The following MYT1L variants were observed in gnomAD, a reference collection of about 807,000 sequenced individuals.
MYT1L encodes myelin transcription factor 1-like protein.
MYT1L carries 12 observed loss-of-function variants against 126.7 expected under a neutral mutation model. The ratio of observed to expected loss-of-function variants is 0.09; its 90% confidence interval spans 0.06 to 0.15. MYT1L has a LOEUF of 0.15. MYT1L is among the 10% of genes least tolerant of loss of function. The pLI is 1.00. For synonymous variants in MYT1L, 541 were observed against 604.2 expected (o/e 0.90, Z 1.53); for missense variants, 979 against 1,585.2 (o/e 0.62, Z 6.49).
In MYT1L at chr2:2,182,034, T is replaced by C. The variant is rs550304720; in HGVS notation, c.-420-9046A>G. Among the ~76,000 whole-genome samples the C allele has an allele frequency of 2.6e-5, 4 of 152,282 alleles. No individual in the cohort carries two copies. The East Asian group carries it at 7.7e-4, about 29-fold the overall frequency. On this transcript the variant is annotated intron_variant, in intron 2 of 24. Transcript: ENST00000647738. ...TGGCAGTCACCTCCCAACTCCCATA[T>C]GTAACAAGCTTTCAGAGCAAAAATG... is the stretch of plus-strand genomic sequence containing the variant.
intron 3 of MYT1L, among the ~76,000 whole-genome samples, chr2:2,152,830 T>G (rs1463734676): frequency 6.6e-6 from 1 of 152,094 alleles, no homozygotes; most frequent in Non-Finnish European, 1.5e-5. Context: ...AGGAGTTCCT[T>G]GGAGGGGTCC....
chr2:2,153,940 G>A (rs1001605308), intron 3 of MYT1L, among the ~76,000 whole-genome samples: 1 of 152,136 alleles, frequency 6.6e-6, no homozygotes, highest in Non-Finnish European at 1.5e-5. Flanking sequence ...GGCTGCTGGT[G>A]GACTAGTGCC....
intron 1 of MYT1L, chr2:2,325,271 C>A (rs2096230990): frequency 6.6e-6 from 1 of 152,120 alleles, no homozygotes; most frequent in African/African-American, 2.4e-5. Context: ...AATGGTGACA[C>A]AAGAGTTAAC....
chr2:1,938,378 A>G (rs1573769404), intron 9 of MYT1L, among the ~76,000 whole-genome samples: 1 of 152,376 alleles, frequency 6.6e-6, no homozygotes, highest in African/African-American at 2.4e-5. Flanking sequence ...CCATTGAACA[A>G]TAACTTTCTT....
At chr2:2,033,511 C>T (rs72767350) in intron 4 of MYT1L, among the ~76,000 whole-genome samples, 6,405 of 152,228 alleles carry the variant, frequency 0.042, 200 homozygotes, top group Non-Finnish European at 0.065. Flanking sequence ...CCTGGGGGCA[C>T]GCCAGGTTAG....
intron 9 of MYT1L, among the ~76,000 whole-genome samples, chr2:1,937,976 G>A (rs530367558): frequency 1.3e-5 from 2 of 152,294 alleles, no homozygotes; most frequent in East Asian, 3.9e-4. Context: ...GTGATCAAGT[G>A]GCAAGGCAGC....
chr2:2,056,433 T>C (rs1397350256), intron 3 of MYT1L, among the ~76,000 whole-genome samples: 1 of 152,096 alleles, frequency 6.6e-6, no homozygotes, highest in Non-Finnish European at 1.5e-5. Flanking sequence ...ACAAATGAAC[T>C]ATAGGCTAAA....
At chr2:2,005,192 C>G (rs2063096931) in intron 4 of MYT1L, among the ~76,000 whole-genome samples, 1 of 149,688 alleles carries the variant, frequency 6.7e-6, no homozygotes, top group Admixed American at 6.6e-5. Flanking sequence ...GTGTTTTTTC[C>G]TGCAGGCATT....
At chr2:2,098,812 A>G (rs1207071991) in intron 3 of MYT1L, among the ~76,000 whole-genome samples, 1 of 152,246 alleles carries the variant, frequency 6.6e-6, no homozygotes, top group Non-Finnish European at 1.5e-5. Context: ...TCTGTAAACC[A>G]TTTGTGTTTG....
intron 1 of MYT1L, among the ~76,000 whole-genome samples, chr2:2,299,472 T>G (rs994399739): frequency 8.5e-5 from 13 of 152,102 alleles, no homozygotes; most frequent in Admixed American, 7.9e-4. Flanking sequence ...TGTGCACCAG[T>G]TAGTTTGGGA....
At chr2:2,184,971 T>A (rs575818699) in intron 2 of MYT1L, among the ~76,000 whole-genome samples, 3 of 152,316 alleles carry the variant, frequency 2.0e-5, no homozygotes, top group Admixed American at 6.5e-5. Flanking sequence ...TCTCTGGCCT[T>A]TACTTTTGTC....
chr2:1,911,980 C>T (rs762620323), intron 12 of MYT1L, 40 bp downstream of exon 12: 9 of 1,472,858 alleles, frequency 6.1e-6, no homozygotes, highest in Admixed American at 5.7e-5. Context: ...GGAGAGCAGC[C>T]GGTGCTCCCT....
At chr2:2,316,127 C>A (rs1305664416) in intron 1 of MYT1L, among the ~76,000 whole-genome samples, 1 of 152,120 alleles carries the variant, frequency 6.6e-6, no homozygotes, top group African/African-American at 2.4e-5. Context: ...GAGATTCAGG[C>A]GTGGAGAGAG....
At chr2:1,891,298 C>T (rs1427194616) in intron 15 of MYT1L, among the ~76,000 whole-genome samples, 1 of 152,172 alleles carries the variant, frequency 6.6e-6, no homozygotes, top group East Asian at 1.9e-4. Context: ...TGAACATGTC[C>T]GCTGCTCAGC....
chr2:1,896,273 T>A (rs2148906268), intron 14 of MYT1L, among the ~76,000 whole-genome samples: 2 of 152,268 alleles, frequency 1.3e-5, no homozygotes, highest in Middle Eastern at 3.4e-3. Context: ...GGACAGTAGT[T>A]TGAAGTTTTC....
At chr2:1,956,701 T>C (rs908306445) in intron 8 of MYT1L, among the ~76,000 whole-genome samples, 1 of 152,152 alleles carries the variant, frequency 6.6e-6, no homozygotes, top group Non-Finnish European at 1.5e-5. Flanking sequence ...GTCTATCTTC[T>C]TTCTAAACTT....
intron 14 of MYT1L, among the ~76,000 whole-genome samples, chr2:1,895,207 C>T (rs753229024): frequency 2.6e-5 from 4 of 152,122 alleles, no homozygotes; most frequent in South Asian, 2.1e-4. Context: ...AAATCAGAGA[C>T]GACACAAATA....
At chr2:1,928,625 C>T (rs1267889755) in intron 9 of MYT1L, among the ~76,000 whole-genome samples, 5 of 152,212 alleles carry the variant, frequency 3.3e-5, no homozygotes, top group Non-Finnish European at 5.9e-5. Context: ...TTCTGCCTCA[C>T]CATTCGGAAT....
At chr2:2,183,401 G>A (rs1054530810) in intron 2 of MYT1L, among the ~76,000 whole-genome samples, 2 of 152,108 alleles carry the variant, frequency 1.3e-5, no homozygotes, top group Non-Finnish European at 2.9e-5. Flanking sequence ...GGGCCAGGCG[G>A]TAGGAAGAGA....
Sources: gnomAD v4.1 joint callset for allele counts (sites outside exome capture counted in the v4.1 genomes callset) on GRCh38, gnomAD v4.1.1 for gene constraint, MANE v1.5 for transcripts, NCBI Gene and HGNC (gene_info 2026-07-23, HGNC 2026-07-21) for gene names.